ANKRD31: variants seen among roughly 807,000 people sequenced by gnomAD.
ANKRD31 encodes ankyrin repeat domain-containing protein 31.
ANKRD31 carries 147 observed loss-of-function variants against 186.0 expected under a neutral mutation model. The observed-to-expected ratio is 0.79, with a 90% CI of 0.69 to 0.91. The LOEUF (loss-of-function observed/expected upper bound fraction) is 0.91. Ranked by LOEUF, ANKRD31 falls within the 40% of genes least tolerant of loss-of-function variation. The pLI is 0.00. For missense variants in ANKRD31, 1,986 were observed against 2,148.8 expected (o/e 0.92, Z 1.50); for synonymous variants, 673 against 736.4 (o/e 0.91, Z 1.39).
At chr5:75,135,136 T>C (rs940069395) in intron 17 of ANKRD31, among the ~76,000 whole-genome samples, 1 of 152,192 alleles carries the variant, frequency 6.6e-6, no homozygotes, top group East Asian at 1.9e-4. Flanking sequence ...TCACCACTCC[T>C]ATTCAACATA....
At chr5:75,227,222 CACA>C (rs1757686178) in intron 2 of ANKRD31, among the ~76,000 whole-genome samples, 1 of 152,016 alleles carries the variant, frequency 6.6e-6, no homozygotes, top group Non-Finnish European at 1.5e-5. Flanking sequence ...GAGCCAAAAT[CACA>C]ACAATTGAAC....
chr5:75,082,732 A>C (rs1246750469), intron 24 of ANKRD31, among the ~76,000 whole-genome samples: 1 of 152,244 alleles, frequency 6.6e-6, no homozygotes, highest in Non-Finnish European at 1.5e-5. Flanking sequence ...TATGATACTT[A>C]AAAATCTATC....
intron 25 of ANKRD31, among the ~76,000 whole-genome samples, chr5:75,078,744 G>A (rs1352191404): frequency 6.6e-6 from 1 of 152,160 alleles, no homozygotes; most frequent in Non-Finnish European, 1.5e-5. Flanking sequence ...TCCATACCTA[G>A]TGATAACAAA....
At chr5:75,234,910 C>T (rs779110710) in intron 1 of ANKRD31, among the ~76,000 whole-genome samples, 16 of 151,664 alleles carry the variant, frequency 1.1e-4, no homozygotes, top group Non-Finnish European at 1.9e-4. Context: ...TTCAACTAAA[C>T]TATTTTCTAC....
rs539891182 is a variant in ANKRD31 at position 75,071,566 on chromosome 5, A to T, written c.5648-2902T>A. On this transcript the variant is annotated intron_variant, in intron 25 of 25. Transcript: ENST00000506364. ...CCTGGAGTACAATAGTGCAATCTCA[A>T]CTCACTGCGACCTCTGCCTCCCAGG... 7.3e-5 allele frequency among the ~76,000 whole-genome samples: 11 copies of T among 150,760 alleles called. No individual in the cohort carries two copies. The South Asian group carries it at 2.1e-3, about 29-fold the overall frequency.
chr5:75,131,440 A>T (rs1420847616), intron 17 of ANKRD31, among the ~76,000 whole-genome samples: 1 of 152,208 alleles, frequency 6.6e-6, no homozygotes, highest in Non-Finnish European at 1.5e-5. Flanking sequence ...ATCAAACTGC[A>T]AGGTGGCAGC....
intron 17 of ANKRD31, among the ~76,000 whole-genome samples, chr5:75,127,509 G>C (rs1709478661): frequency 6.6e-6 from 1 of 152,130 alleles, no homozygotes; most frequent in African/African-American, 2.4e-5. Context: ...ACTTATGCTA[G>C]TAACATACTG....
chr5:75,180,416 G>A (rs1044300467), intron 10 of ANKRD31, among the ~76,000 whole-genome samples: 31 of 152,080 alleles, frequency 2.0e-4, no homozygotes, highest in Admixed American at 1.2e-3. Flanking sequence ...AAAAGAGCCC[G>A]CATCGCCAAG....
chr5:75,174,392 T>C (rs1362736415), intron 10 of ANKRD31, among the ~76,000 whole-genome samples: 1 of 152,046 alleles, frequency 6.6e-6, no homozygotes, highest in Non-Finnish European at 1.5e-5. Flanking sequence ...CTAATTAAAC[T>C]AAAGAGCTTC....
At position 75,170,009 on chromosome 5, in the gene ANKRD31, T is replaced by C. The variant is rs111378349; in HGVS notation, c.1565-888A>G. Among the ~76,000 whole-genome samples, 1,278 of 152,244 alleles carry C rather than the reference T, an allele frequency of 8.4e-3. 19 individuals carry two copies. Among genetic ancestry groups the C allele is most frequent in the African/African-American group, 0.029 (1,185 of 41,554 alleles). ...TGCCTCAGGGAAGAAGTTTCTCCTATAGTATTATTACTGAGTTTTGACGAA... is the reference window on the plus strand; with the variant it reads ...TGCCTCAGGGAAGAAGTTTCTCCTACAGTATTATTACTGAGTTTTGACGAA... On this transcript the variant is annotated intron_variant, in intron 10 of 25. Transcript: ENST00000506364.
At chr5:75,135,819 A>T (rs1750527217) in intron 17 of ANKRD31, among the ~76,000 whole-genome samples, 1 of 152,198 alleles carries the variant, frequency 6.6e-6, no homozygotes, top group Non-Finnish European at 1.5e-5. Flanking sequence ...CAAAACAGAT[A>T]CATAGACCAA....
chr5:75,092,407 G>A (rs994613567), intron 22 of ANKRD31, among the ~76,000 whole-genome samples: 1 of 152,164 alleles, frequency 6.6e-6, no homozygotes, highest in Non-Finnish European at 1.5e-5. Context: ...TTAGTCTGTA[G>A]AGCAATTTGT....
intron 2 of ANKRD31, among the ~76,000 whole-genome samples, chr5:75,229,187 A>T (rs749417497): frequency 1.8e-4 from 28 of 152,236 alleles, no homozygotes; most frequent in Non-Finnish European, 3.8e-4. Context: ...GAAATGTTTA[A>T]ATCAACCTAG....
At chr5:75,187,109 T>TG (rs1401756991) in intron 10 of ANKRD31, among the ~76,000 whole-genome samples, 186 of 124,930 alleles carry the variant, frequency 1.5e-3, no homozygotes, top group African/African-American at 5.6e-3. Context: ...GTGATTCTGT[T>TG]TTGTGTGTGT....
At chr5:75,211,547 A>C (rs1756650329) in intron 3 of ANKRD31, among the ~76,000 whole-genome samples, 1 of 152,210 alleles carries the variant, frequency 6.6e-6, no homozygotes. Flanking sequence ...TTCTATGTTT[A>C]ACTTTTTTAA....
At chr5:75,140,289 G>GGAAGGAAT (rs1350476772) in intron 15 of ANKRD31, among the ~76,000 whole-genome samples, 1 of 40,382 alleles carries the variant, frequency 2.5e-5, no homozygotes, top group Non-Finnish European at 3.7e-5. Flanking sequence ...GAGAAAGAAA[G>GGAAGGAAT]GAAGGAAGGA....
chr5:75,225,807 T>C (rs1448815549), intron 2 of ANKRD31: 1 of 158,186 alleles, frequency 6.3e-6, no homozygotes, highest in Non-Finnish European at 1.4e-5. Context: ...GGACTTTGTC[T>C]TACACCTTAG....
At chr5:75,193,126 C>T (rs193133868) in intron 8 of ANKRD31, among the ~76,000 whole-genome samples, 185 bp downstream of exon 8, 15 of 152,112 alleles carry the variant, frequency 9.9e-5, no homozygotes, top group African/African-American at 3.4e-4. Context: ...AGGCTCTTTG[C>T]GAGGAAAAAG....
chr5:75,236,717 C>A lies in ANKRD31; in HGVS notation c.-31G>T, dbSNP rs970883239. The stretch of plus-strand genomic sequence containing the variant: ...CCTCACATTCAAAGTCTTTTTTACC[C>A]TCCTCTAACTCCCTCTTGCCCGCAA... On this transcript the variant is annotated 5_prime_UTR_variant, in exon 1 of 26. The change creates a new upstream start codon in the 5' untranslated region. Coordinates refer to ENST00000506364, the MANE Select transcript of ANKRD31 (RefSeq NM_001372053.1). The A allele has an allele frequency of 6.7e-7, 1 of 1,494,970 alleles. No homozygotes were observed. Among genetic ancestry groups the A allele is most frequent in the South Asian group, 1.2e-5 (1 of 81,410 alleles). 92.6% of individuals were successfully genotyped at this position (1,494,970 alleles called of 1,614,324 possible).
Sources: allele counts gnomAD v4.1 joint callset (sites outside exome capture counted in the v4.1 genomes callset), GRCh38; gene constraint gnomAD v4.1.1; transcripts MANE v1.5; gene names NCBI Gene and HGNC (gene_info 2026-07-23, HGNC 2026-07-21).